Variants in SPOCK3 observed in about 807,000 individuals in gnomAD.
SPOCK3 encodes testican-3.
In SPOCK3, 30 loss-of-function variants were observed where a neutral mutation model predicts 56.6. The ratio of observed to expected loss-of-function variants is 0.53; its 90% confidence interval spans 0.40 to 0.72. The LOEUF (loss-of-function observed/expected upper bound fraction) is 0.72. Ranked by LOEUF, SPOCK3 falls within the 30% of genes least tolerant of loss-of-function variation. The pLI is 0.00. For synonymous variants in SPOCK3, 196 were observed against 183.3 expected (o/e 1.07, Z -0.56); for missense variants, 527 against 530.0 (o/e 0.99, Z 0.06).
At chr4:167,049,306 A>G (rs1753989671) in intron 3 of SPOCK3, among the ~76,000 whole-genome samples, 1 of 152,136 alleles carries the variant, frequency 6.6e-6, no homozygotes, top group African/African-American at 2.4e-5. Flanking sequence ...AGTGGGTACA[A>G]TACTAGCAAA....
At chr4:166,781,645 CCA>C (rs1357674299) in intron 7 of SPOCK3, among the ~76,000 whole-genome samples, 1 of 152,032 alleles carries the variant, frequency 6.6e-6, no homozygotes, top group Non-Finnish European at 1.5e-5. Context: ...AGACATCAAA[CCA>C]CAGAGATAAG....
chr4:166,971,475 C>A (rs1025607726), intron 4 of SPOCK3, among the ~76,000 whole-genome samples: 1 of 150,872 alleles, frequency 6.6e-6, no homozygotes, highest in African/African-American at 2.4e-5. Flanking sequence ...CTATTTCTCC[C>A]AATTACAAGC....
At chr4:167,205,467 ATTTATT>A (rs1734131022) in intron 2 of SPOCK3, among the ~76,000 whole-genome samples, 1 of 52,030 alleles carries the variant, frequency 1.9e-5, no homozygotes, top group Non-Finnish European at 3.3e-5. Context: ...AATATATAGA[ATTTATT>A]TTATATATAA....
At chr4:167,156,152 G>T (rs545071600) in intron 2 of SPOCK3, among the ~76,000 whole-genome samples, 1 of 151,964 alleles carries the variant, frequency 6.6e-6, no homozygotes, top group Admixed American at 6.6e-5. Context: ...TATTTTTAAC[G>T]CTAAGTCTTC....
chr4:167,098,632 C>T (rs1759366656), intron 2 of SPOCK3, among the ~76,000 whole-genome samples: 1 of 151,982 alleles, frequency 6.6e-6, no homozygotes, highest in East Asian at 1.9e-4. Flanking sequence ...TCATCACCTA[C>T]AGAACAAAGT....
At chr4:167,026,262 A>T (rs184965652) in intron 3 of SPOCK3, among the ~76,000 whole-genome samples, 3 of 152,164 alleles carry the variant, frequency 2.0e-5, no homozygotes, top group African/African-American at 7.2e-5. Flanking sequence ...GAATCTCCTC[A>T]CTTTATGTAA....
chr4:166,751,147 T>A (rs377246809), intron 8 of SPOCK3, among the ~76,000 whole-genome samples: 2 of 152,322 alleles, frequency 1.3e-5, no homozygotes, highest in Admixed American at 1.3e-4. Context: ...TAAAACTTTA[T>A]TAGATTCATT....
chr4:167,185,669 G>A, intron 2 of SPOCK3, among the ~76,000 whole-genome samples: 1 of 151,454 alleles, frequency 6.6e-6, no homozygotes, highest in East Asian at 1.9e-4. Context: ...CAAGAAACAT[G>A]AAAAACCAGA....
intron 2 of SPOCK3, among the ~76,000 whole-genome samples, chr4:167,101,713 CTTTT>C (rs34604496): frequency 1.3e-4 from 17 of 126,300 alleles, no homozygotes; most frequent in Non-Finnish European, 1.8e-4. Flanking sequence ...AATTCTTACT[CTTTT>C]TTTTTTTTTT....
rs1449503862 is a variant in SPOCK3, at chr4:166,755,901, G to GGGAATTTATTAATTTTCAGAA, written c.710-1173_710-1172insTTCTGAAAATTAATAAATTCC. On this transcript the variant is annotated intron_variant, in intron 7 of 10. Transcript: ENST00000357545. ...AAAATTAAATAAGAGATTTGGGACA[G>GGGAATTTATTAATTTTCAGAA]GAACAGCTCCGGTCTACAGCTCCCA... Among the ~76,000 whole-genome samples, 8 of 10,776 alleles carry GGGAATTTATTAATTTTCAGAA rather than the reference G, an allele frequency of 7.4e-4. 1 individual carries two copies. Among genetic ancestry groups the GGGAATTTATTAATTTTCAGAA allele is most frequent in the African/African-American group, 1.4e-3 (4 of 2,958 alleles). 7.1% of individuals were successfully genotyped at this position (10,776 alleles called of 152,430 possible).
At chr4:166,814,644 G>A (rs975154087) in intron 6 of SPOCK3, among the ~76,000 whole-genome samples, 4 of 152,028 alleles carry the variant, frequency 2.6e-5, no homozygotes, top group African/African-American at 9.7e-5. Flanking sequence ...GTTTGTTGGG[G>A]GCTCTCAGGC....
chr4:167,065,491 C>A (rs1177010709), intron 2 of SPOCK3, among the ~76,000 whole-genome samples: 1 of 151,852 alleles, frequency 6.6e-6, no homozygotes, highest in Non-Finnish European at 1.5e-5. Context: ...ATATAAAAAT[C>A]TATAATCACA....
At chr4:166,810,936 G>A (rs559326137) in intron 6 of SPOCK3, among the ~76,000 whole-genome samples, 7 of 151,880 alleles carry the variant, frequency 4.6e-5, no homozygotes, top group African/African-American at 1.7e-4. Flanking sequence ...CTACAAATAG[G>A]ATTGAATTAT....
Position 166,749,176 on chromosome 4 carries a change from A to G in SPOCK3, c.931+5332T>C, listed in dbSNP as rs1231015996. 3.6e-5 allele frequency among the ~76,000 whole-genome samples: 5 copies of G among 137,358 alleles called. 1 individual carries two copies. The highest frequency in any genetic ancestry group is 7.7e-5 in the Non-Finnish European group (5 of 64,778). The allele number at this position is 137,358 out of a possible 152,430, so 90.1% of individuals were successfully genotyped here. A position where few individuals can be genotyped will look rare whatever the true frequency, so the allele number is the denominator to read the frequency against. Reference sequence around the variant, plus strand: ...GATTATAAATCATGCTACTATAAAGACACATGTGCACGTATGTTTATTGCA... The same window carrying G: ...GATTATAAATCATGCTACTATAAAGGCACATGTGCACGTATGTTTATTGCA... On this transcript the variant is annotated intron_variant, in intron 8 of 10. Coordinates refer to ENST00000357545, the MANE Select transcript of SPOCK3 (RefSeq NM_001040159.2).
At chr4:166,828,217 T>C (rs996694996) in intron 6 of SPOCK3, among the ~76,000 whole-genome samples, 10 of 152,000 alleles carry the variant, frequency 6.6e-5, no homozygotes, top group African/African-American at 2.2e-4. Flanking sequence ...TATTAATTCC[T>C]TATAAATGGA....
chr4:167,164,388 A>G (rs1205327025), intron 2 of SPOCK3, among the ~76,000 whole-genome samples: 1 of 152,128 alleles, frequency 6.6e-6, no homozygotes, highest in Non-Finnish European at 1.5e-5. Context: ...AATTCAAAAA[A>G]ATTAATGAGA....
chr4:166,842,043 T>G lies in SPOCK3; in HGVS notation c.589+47087A>C, dbSNP rs978698767. Among the ~76,000 whole-genome samples the G allele has an allele frequency of 2.0e-5, 3 of 152,152 alleles. No homozygotes were observed. The South Asian group carries it at 6.2e-4, about 32-fold the overall frequency. On this transcript the variant is annotated intron_variant, in intron 6 of 10. Transcript: ENST00000357545. ...CCTTCTCAGTCAGTGTTAAGGCTCT[T>G]AAGGCGTTGCGTCGGGAATTGTTCA...
At chr4:166,861,129 A>T (rs1309301193) in intron 6 of SPOCK3, among the ~76,000 whole-genome samples, 1 of 152,052 alleles carries the variant, frequency 6.6e-6, no homozygotes, top group Non-Finnish European at 1.5e-5. Flanking sequence ...GAATGTCTAC[A>T]TATAGGCCTT....
At chr4:166,766,094 T>C (rs28821260) in intron 7 of SPOCK3, among the ~76,000 whole-genome samples, 72,602 of 151,988 alleles carry the variant, frequency 0.48, 18,028 homozygotes, top group African/African-American at 0.57. Context: ...TGGGCTGAGA[T>C]GATAGGGTTT....
Sources: allele counts gnomAD v4.1 joint callset (sites outside exome capture counted in the v4.1 genomes callset), GRCh38; gene constraint gnomAD v4.1.1; transcripts MANE v1.5; gene names NCBI Gene and HGNC (gene_info 2026-07-23, HGNC 2026-07-21).